Variants in PLEKHG1 observed in about 807,000 individuals in gnomAD.
PLEKHG1 encodes pleckstrin homology domain-containing family G member 1.
Under a neutral mutation model 100.8 loss-of-function variants are expected in PLEKHG1, and 44 were observed. The ratio of observed to expected loss-of-function variants is 0.44; its 90% CI spans 0.34 to 0.56. The LOEUF is 0.56. PLEKHG1 is among the 20% of genes least tolerant of loss of function. PLEKHG1 has a pLI of 0.01. For synonymous variants in PLEKHG1, 640 were observed against 662.5 expected (o/e 0.97, Z 0.52); for missense variants, 1,545 against 1,720.9 (o/e 0.90, Z 1.81).
In PLEKHG1 at chr6:150,612,050, C is replaced by CA. The variant is rs200471720; in HGVS notation, c.-204+12033_-204+12034insA. ...TTTCAGCTTCCTGGTGTTGTTCCCC[C>CA]CCCCCCCCCCTTTTCTAGTTCTTAG... On this transcript the variant is annotated intron_variant, in intron 1 of 3. Coordinates refer to the PLEKHG1 transcript ENST00000367326. Among the ~76,000 whole-genome samples, 6 of 78,124 alleles carry CA rather than the reference C, an allele frequency of 7.7e-5. 1 individual carries two copies. Among genetic ancestry groups the CA allele is most frequent in the South Asian group, 1.3e-3 (2 of 1,502 alleles). The allele number at this position is 78,124 out of a possible 152,430, so 51.3% of individuals were successfully genotyped here.
exon 15 of PLEKHG1, chr6:150,830,643 A>G: frequency 6.2e-7 from 1 of 1,613,268 alleles, no homozygotes; most frequent in Non-Finnish European, 8.5e-7. Flanking sequence ...GCCCAGAGAA[A>G]TAGTCAGCCT....
At chr6:150,780,215 A>G (rs868835539) in intron 3 of PLEKHG1, among the ~76,000 whole-genome samples, 16 of 148,428 alleles carry the variant, frequency 1.1e-4, no homozygotes, top group Middle Eastern at 3.5e-3. Context: ...AGCTCACTGC[A>G]ACCTCCACCT....
intron 2 of PLEKHG1, among the ~76,000 whole-genome samples, chr6:150,638,502 C>T (rs1388052801): frequency 6.6e-6 from 1 of 152,100 alleles, no homozygotes; most frequent in East Asian, 1.9e-4. Context: ...TCTCATTGCC[C>T]CTCCCTCTCT....
intron 3 of PLEKHG1, among the ~76,000 whole-genome samples, chr6:150,676,610 C>T (rs1385094307): frequency 6.6e-6 from 1 of 152,150 alleles, no homozygotes; most frequent in Non-Finnish European, 1.5e-5. Flanking sequence ...TATTGAGCAA[C>T]TGCAGTGCTA....
chr6:150,831,071 A>G lies in PLEKHG1; in HGVS notation c.1960A>G (p.Ile654Val), dbSNP rs1469982252. ...CTTTGGGTCATCCATAGAGTTGACT[A>G]TTGATGACATAGACCATGTCTATGA... The change falls in exon 15 of 16, where the codon ATT becomes GTT. Residue 654 changes from isoleucine (I) to valine (V), a missense_variant. Physicochemically the swap from Ile to Val is conservative, Grantham distance 29 (BLOSUM62 3). Coordinates refer to ENST00000358517, the Ensembl canonical transcript of PLEKHG1. This position sits in a 1 kb window ranked among gnomAD's most constrained non-coding sequence, Gnocchi z 4.1. 2 of 1,614,112 alleles carry G rather than the reference A, an allele frequency of 1.2e-6. No individual in the cohort carries two copies. The highest frequency in any genetic ancestry group is 1.7e-5 in the Admixed American group (1 of 60,022).
chr6:150,737,103 G>A (rs578179977), intron 2 of PLEKHG1, among the ~76,000 whole-genome samples: 33 of 152,198 alleles, frequency 2.2e-4, no homozygotes, highest in Middle Eastern at 3.4e-3. Context: ...TTCATATGAG[G>A]GATTAGTTGG....
chr6:150,741,530 A>C (rs1782855968), intron 2 of PLEKHG1, among the ~76,000 whole-genome samples: 1 of 152,220 alleles, frequency 6.6e-6, no homozygotes, highest in South Asian at 2.1e-4. Context: ...CATTAGCAGC[A>C]ATTAATATTT....
intron 12 of PLEKHG1, 117 bp from the exon 14 acceptor site, chr6:150,821,078 T>C (rs895906900): frequency 2.4e-5 from 18 of 754,112 alleles, no homozygotes; most frequent in African/African-American, 1.6e-4. Flanking sequence ...TTAAATTTGA[T>C]ACAAAAGTTA....
At chr6:150,609,261 C>A (rs1429938884) in intron 1 of PLEKHG1, among the ~76,000 whole-genome samples, 6 of 152,128 alleles carry the variant, frequency 3.9e-5, no homozygotes, top group Non-Finnish European at 4.4e-5. Context: ...GAAGAGGAAA[C>A]CCTACATAAG....
chr6:150,818,205 T>C, exon 11 of PLEKHG1: 3 of 1,605,430 alleles, frequency 1.9e-6, no homozygotes, highest in Non-Finnish European at 2.6e-6. Context: ...ATCCTTGAAA[T>C]GGATGCCATT....
rs553639681 is a variant in PLEKHG1 at position 150,645,056 on chromosome 6, A to G, written c.-157-5672A>G. 5.1e-4 allele frequency among the ~76,000 whole-genome samples: 78 copies of G among 152,326 alleles called. 1 individual carries two copies. The South Asian group carries it at 8.5e-3, about 17-fold the overall frequency. On this transcript the variant is annotated intron_variant, in intron 2 of 3. Transcript: ENST00000367326. ...AAATAATTCTGAAGAAACACATAGA[A>G]GGATTTAGCAATGTTATTTATATTG...
chr6:150,655,729 AAG>A (rs1352094055), intron 3 of PLEKHG1, among the ~76,000 whole-genome samples: 1 of 151,142 alleles, frequency 6.6e-6, no homozygotes. Flanking sequence ...AAAAAAAAAA[AAG>A]AAAATGTGAC....
At chr6:150,826,313 C>T (rs1338675853) in intron 14 of PLEKHG1, among the ~76,000 whole-genome samples, 1 of 151,936 alleles carries the variant, frequency 6.6e-6, no homozygotes, top group Non-Finnish European at 1.5e-5. Flanking sequence ...AAAAAATTAG[C>T]CGGGCATAGC....
chr6:150,613,978 G>A (rs1007974586), intron 1 of PLEKHG1, among the ~76,000 whole-genome samples: 3 of 152,152 alleles, frequency 2.0e-5, no homozygotes, highest in Non-Finnish European at 1.5e-5. Flanking sequence ...TAAGCAGAGG[G>A]TTTTGGTCTA....
At chr6:150,731,910 T>C (rs1004951521) in intron 1 of PLEKHG1, among the ~76,000 whole-genome samples, 2 of 151,740 alleles carry the variant, frequency 1.3e-5, no homozygotes, top group African/African-American at 4.8e-5. Flanking sequence ...AATTTTCACA[T>C]GGGTCCTTTT....
At chr6:150,667,547 G>A (rs114442399) in intron 3 of PLEKHG1, among the ~76,000 whole-genome samples, 1 of 152,140 alleles carries the variant, frequency 6.6e-6, no homozygotes, top group South Asian at 2.1e-4. Context: ...CAGAATCCAA[G>A]GACAGCCTCC....
intron 1 of PLEKHG1, chr6:150,624,709 G>A (rs1777439324): frequency 6.6e-6 from 1 of 152,064 alleles, no homozygotes; most frequent in Admixed American, 6.6e-5. Flanking sequence ...ACCACAGTCG[G>A]CCTCACTTCA....
At chr6:150,728,826 G>A (rs1442238491) in intron 1 of PLEKHG1, among the ~76,000 whole-genome samples, 4 of 151,704 alleles carry the variant, frequency 2.6e-5, no homozygotes, top group Non-Finnish European at 5.9e-5. Flanking sequence ...AACCCAGGAG[G>A]TGGAGGTTGC....
intron 5 of PLEKHG1, among the ~76,000 whole-genome samples, chr6:150,796,783 G>T (rs1355430842): frequency 6.6e-6 from 1 of 152,096 alleles, no homozygotes; most frequent in Non-Finnish European, 1.5e-5. Flanking sequence ...GCTCTGATAG[G>T]TAAGGTGATT....
Sources: allele counts gnomAD v4.1 joint callset (sites outside exome capture counted in the v4.1 genomes callset), GRCh38; gene constraint gnomAD v4.1.1; non-coding constraint Gnocchi (gnomAD v3.1); transcripts MANE v1.5; gene names NCBI Gene and HGNC (gene_info 2026-07-23, HGNC 2026-07-21).